The following RFX3 variants were observed in gnomAD, a reference collection of about 807,000 sequenced individuals.
The protein encoded by RFX3 is regulatory factor X3, also known as transcription factor RFX3.
RFX3 carries 14 observed loss-of-function variants against 98.6 expected under a neutral mutation model. The observed-to-expected ratio is 0.14, with a 90% CI of 0.09 to 0.22. RFX3 has a LOEUF of 0.22. RFX3 is among the 10% of genes least tolerant of loss of function. The pLI is 1.00. For missense variants in RFX3, 639 were observed against 926.9 expected (o/e 0.69, Z 4.03); for synonymous variants, 383 against 328.4 (o/e 1.17, Z -1.80).
chr9:3,271,169 T>C, intron 9 of RFX3, 51 bp from the exon 10 acceptor site: 1 of 1,498,708 alleles, frequency 6.7e-7, no homozygotes, highest in East Asian at 2.3e-5. Context: ...TTTACGGGAC[T>C]GTGTGAGGAC....
chr9:3,417,234 T>C (rs1192311404), intron 1 of RFX3, among the ~76,000 whole-genome samples: 5 of 151,944 alleles, frequency 3.3e-5, no homozygotes, highest in South Asian at 2.1e-4. Flanking sequence ...AAAGAAATAA[T>C]AAAATGCAGT....
chr9:3,476,526 A>C (rs898105472), intron 1 of RFX3, among the ~76,000 whole-genome samples: 2 of 152,142 alleles, frequency 1.3e-5, no homozygotes, highest in African/African-American at 4.8e-5. Flanking sequence ...CATTAAACCA[A>C]GTCAATTTTA....
intron 1 of RFX3, among the ~76,000 whole-genome samples, chr9:3,507,607 GAATTGGTTC>G (rs1817229611): frequency 6.6e-6 from 1 of 151,784 alleles, no homozygotes; most frequent in African/African-American, 2.4e-5. Context: ...TAACCATGGG[GAATTGGTTC>G]CAGGACCTCC....
chr9:3,239,363 G>A (rs950420823), intron 15 of RFX3, among the ~76,000 whole-genome samples: 2 of 152,204 alleles, frequency 1.3e-5, no homozygotes, highest in African/African-American at 4.8e-5. Flanking sequence ...ATTGAAACCT[G>A]CTAAGAAGGC....
chr9:3,268,043 T>C (rs1823882280), intron 11 of RFX3, among the ~76,000 whole-genome samples: 1 of 151,910 alleles, frequency 6.6e-6, no homozygotes, highest in South Asian at 2.1e-4. Context: ...TTTTAAATAA[T>C]TGTGAATTTT....
chr9:3,384,821 T>C (rs906909662), intron 2 of RFX3, among the ~76,000 whole-genome samples: 15 of 152,116 alleles, frequency 9.9e-5, no homozygotes, highest in Admixed American at 6.6e-5. Context: ...CCCAGCCATA[T>C]AGACTCTGTT....
chr9:3,415,913 T>G (rs1201118324), intron 1 of RFX3, among the ~76,000 whole-genome samples: 1 of 152,178 alleles, frequency 6.6e-6, no homozygotes, highest in Non-Finnish European at 1.5e-5. Context: ...TTCCTGAAGT[T>G]TTATTCACTA....
chr9:3,523,617 T>C (rs1818941521), intron 1 of RFX3, among the ~76,000 whole-genome samples: 1 of 152,194 alleles, frequency 6.6e-6, no homozygotes, highest in Non-Finnish European at 1.5e-5. Flanking sequence ...TTATAGTATA[T>C]AATTTACTTA....
At chr9:3,314,574 T>A (rs978116423) in intron 4 of RFX3, among the ~76,000 whole-genome samples, 25 of 152,078 alleles carry the variant, frequency 1.6e-4, no homozygotes, top group African/African-American at 5.3e-4. Flanking sequence ...AGACACAGAC[T>A]GGCAAATTGG....
chr9:3,248,088 C>G lies in RFX3; in HGVS notation c.1912G>C (p.Val638Leu). The G allele has an allele frequency of 6.2e-7, 1 of 1,614,004 alleles. No individual in the cohort carries two copies. Among genetic ancestry groups the G allele is most frequent in the Non-Finnish European group, 8.5e-7 (1 of 1,179,922 alleles). ...GTTGCCTGAGCAACACGATGTTCTA[C>G]TAAGTAAAACATATATTCGTCGTAG... ...LLYDEYMFYLVEHRVAQATGE... is the reference protein window; with the variant it reads ...LLYDEYMFYLLEHRVAQATGE... Residue 638 changes from valine (V) to leucine (L), a missense_variant, in exon 15 of 17, where the codon GTA becomes CTA. Physicochemically the swap from Val to Leu is conservative, Grantham distance 32. Transcript: ENST00000617270.
chr9:3,427,454 ATAC>A (rs1844208508), intron 1 of RFX3, among the ~76,000 whole-genome samples: 1 of 144,460 alleles, frequency 6.9e-6, no homozygotes. Context: ...TTATATAATA[ATAC>A]AATATATAAA....
chr9:3,312,878 T>C (rs757603828), intron 4 of RFX3, among the ~76,000 whole-genome samples: 11 of 152,222 alleles, frequency 7.2e-5, no homozygotes, highest in Admixed American at 3.3e-4. Flanking sequence ...AGCTCCAACT[T>C]GGTGGAGCCC....
chr9:3,410,734 G>C (rs1002140349), intron 1 of RFX3, among the ~76,000 whole-genome samples: 1 of 152,094 alleles, frequency 6.6e-6, no homozygotes, highest in African/African-American at 2.4e-5. Context: ...ATTTATCTAC[G>C]CTAAAATGTT....
chr9:3,440,894 C>A (rs890989525), intron 1 of RFX3, among the ~76,000 whole-genome samples: 1 of 152,056 alleles, frequency 6.6e-6, no homozygotes, highest in Non-Finnish European at 1.5e-5. Flanking sequence ...AACAAACACA[C>A]CAATGAAATG....
At chr9:3,462,421 A>G (rs879517462) in intron 1 of RFX3, among the ~76,000 whole-genome samples, 2 of 152,094 alleles carry the variant, frequency 1.3e-5, no homozygotes, top group African/African-American at 2.4e-5. Flanking sequence ...GCATCCAGAA[A>G]GAAACTATAG....
At chr9:3,370,836 T>A (rs867368141) in intron 2 of RFX3, among the ~76,000 whole-genome samples, 13 of 152,164 alleles carry the variant, frequency 8.5e-5, no homozygotes, top group African/African-American at 2.9e-4. Flanking sequence ...TTCAAATTGG[T>A]GCATGTGTCT....
intron 1 of RFX3, among the ~76,000 whole-genome samples, chr9:3,404,704 T>C (rs1224914034): frequency 6.6e-6 from 1 of 152,208 alleles, no homozygotes; most frequent in African/African-American, 2.4e-5. Flanking sequence ...TGTCATTATA[T>C]AATATTTTAG....
At chr9:3,326,942 C>T (rs574139625) in intron 4 of RFX3, among the ~76,000 whole-genome samples, 3 of 152,194 alleles carry the variant, frequency 2.0e-5, no homozygotes, top group Admixed American at 6.5e-5. Context: ...TCAAGAATTT[C>T]GGCCACAGTA....
chr9:3,360,576 T>C (rs978177980), intron 2 of RFX3, among the ~76,000 whole-genome samples: 2 of 152,126 alleles, frequency 1.3e-5, no homozygotes, highest in Non-Finnish European at 2.9e-5. Flanking sequence ...TCATAAACAC[T>C]AGATGAATTA....
Sources: allele counts gnomAD v4.1 joint callset (sites outside exome capture counted in the v4.1 genomes callset), GRCh38; gene constraint gnomAD v4.1.1; transcripts MANE v1.5; gene names NCBI Gene and HGNC (gene_info 2026-07-23, HGNC 2026-07-21).